RIMS1: variants seen among roughly 807,000 people sequenced by gnomAD.
RIMS1 encodes regulating synaptic membrane exocytosis 1.
Under a neutral mutation model 214.1 loss-of-function variants are expected in RIMS1, and 83 were observed. The ratio of observed to expected loss-of-function variants is 0.39; its 90% CI spans 0.32 to 0.47. The LOEUF (loss-of-function observed/expected upper bound fraction) is 0.47. Ranked by LOEUF, RIMS1 falls within the 20% of genes least tolerant of loss-of-function variation. The probability of loss-of-function intolerance (pLI) is 0.99; values close to 1 mark genes in which losing one functional copy is unlikely to be tolerated. For synonymous variants in RIMS1, 793 were observed against 786.8 expected, an observed-to-expected ratio of 1.01 and a Z score of -0.13; for missense variants, 2,050 against 2,161.8, an observed-to-expected ratio of 0.95 and a Z score of 1.03.
rs1767887512 is a variant in RIMS1, at chr6:71,886,797, A to T, written c.-227A>T. 1 of 560,346 alleles carries T rather than the reference A, an allele frequency of 1.8e-6. No homozygotes were observed. Among genetic ancestry groups the T allele is most frequent in the East Asian group, 3.1e-5 (1 of 32,322 alleles). 34.7% of individuals were successfully genotyped at this position (560,346 alleles called of 1,614,324 possible). On this transcript the variant is annotated 5_prime_UTR_variant, in exon 1 of 34. Transcript: ENST00000521978. ...CCCCGAGCTTCGCTAGGGCGACCAA[A>T]ACAAAGGCAGCATCCGGGGCTGGGT...
At chr6:72,160,014 A>T (rs191620250) in intron 4 of RIMS1, among the ~76,000 whole-genome samples, 8,493 of 132,672 alleles carry the variant, frequency 0.064, 1,632 homozygotes, top group Middle Eastern at 0.11. Flanking sequence ...GATTCTTCCT[A>T]CCCATGAGCA....
At chr6:72,161,041 T>C (rs1309700974) in intron 4 of RIMS1, among the ~76,000 whole-genome samples, 2 of 140,022 alleles carry the variant, frequency 1.4e-5, no homozygotes, top group African/African-American at 4.9e-5. Flanking sequence ...TGGTAGGCAA[T>C]TAATTATTGC....
chr6:72,204,354 T>TGA (rs2052548681), intron 6 of RIMS1, among the ~76,000 whole-genome samples: 1 of 152,220 alleles, frequency 6.6e-6, no homozygotes, highest in Non-Finnish European at 1.5e-5. Flanking sequence ...GTTATCATTA[T>TGA]ATACAGAATG....
intron 5 of RIMS1, among the ~76,000 whole-genome samples, chr6:72,181,217 A>G (rs1406574032): frequency 6.6e-6 from 1 of 152,220 alleles, no homozygotes; most frequent in Non-Finnish European, 1.5e-5. Context: ...AGGAAAGAGG[A>G]AGTGACTTCT....
At chr6:72,251,517 C>A in intron 15 of RIMS1, 149 bp downstream of exon 15, 1 of 663,310 alleles carries the variant, frequency 1.5e-6, no homozygotes, top group Non-Finnish European at 2.4e-6. Context: ...CTTGGCAAAA[C>A]TGTTTCTACA....
intron 2 of RIMS1, among the ~76,000 whole-genome samples, chr6:71,983,190 C>CTACCTCT (rs3079695): frequency 0.73 from 110,368 of 151,270 alleles, 40,546 homozygotes; most frequent in East Asian, 0.98. Flanking sequence ...ACATTATGTT[C>CTACCTCT]TATTTGTGTG....
intron 4 of RIMS1, among the ~76,000 whole-genome samples, chr6:72,135,543 G>T (rs1301696810): frequency 6.6e-6 from 1 of 152,098 alleles, no homozygotes; most frequent in Non-Finnish European, 1.5e-5. Context: ...CTTAGAATGG[G>T]CATCGGTGTC....
At chr6:72,208,739 T>TA (rs1227271620) in intron 6 of RIMS1, among the ~76,000 whole-genome samples, 2 of 152,206 alleles carry the variant, frequency 1.3e-5, no homozygotes, top group Non-Finnish European at 2.9e-5. Flanking sequence ...TTAGGCACAC[T>TA]ACAAACTTAC....
At position 72,174,472 on chromosome 6, in the gene RIMS1, A is replaced by G. The variant is rs191949485; in HGVS notation, c.472-5103A>G. Among the ~76,000 whole-genome samples, 10 of 152,314 alleles carry G rather than the reference A, an allele frequency of 6.6e-5. No individual in the cohort carries two copies. The East Asian group carries it at 1.7e-3, about 26-fold the overall frequency. ...AGTGATTATATAAGAGGAGCTTTAA[A>G]TATGTTCTAAAATTTTACCAAATAA... On this transcript the variant is annotated intron_variant, in intron 4 of 33. Transcript: ENST00000521978.
chr6:71,973,942 T>C (rs148197479), intron 2 of RIMS1, among the ~76,000 whole-genome samples: 3 of 152,216 alleles, frequency 2.0e-5, no homozygotes, highest in African/African-American at 7.2e-5. Context: ...TCAGTGTAGA[T>C]AGAGCAAGGG....
At chr6:72,166,085 A>G (rs1036453760) in intron 4 of RIMS1, among the ~76,000 whole-genome samples, 7 of 152,194 alleles carry the variant, frequency 4.6e-5, no homozygotes, top group Non-Finnish European at 1.0e-4. Flanking sequence ...ACAAGGTGCC[A>G]ACAGGGTTAG....
chr6:72,235,910 T>C (rs1377442708), intron 8 of RIMS1, among the ~76,000 whole-genome samples, 182 bp downstream of exon 8: 1 of 146,374 alleles, frequency 6.8e-6, no homozygotes, highest in African/African-American at 2.5e-5. Flanking sequence ...ATTCTGACTA[T>C]AAAGTTCAGG....
At chr6:72,065,883 A>G (rs1829167767) in intron 2 of RIMS1, among the ~76,000 whole-genome samples, 1 of 151,984 alleles carries the variant, frequency 6.6e-6, no homozygotes, top group Non-Finnish European at 1.5e-5. Flanking sequence ...CAGAATAGAA[A>G]TCATAAATAA....
At chr6:72,274,207 G>C (rs2084921070) in intron 22 of RIMS1, 142 bp from the exon 23 acceptor site, 1 of 542,272 alleles carries the variant, frequency 1.8e-6, no homozygotes, top group African/African-American at 1.9e-5. Flanking sequence ...GCTTATAACA[G>C]TGAAGATTTT....
chr6:71,929,796 G>C (rs1391333459), intron 1 of RIMS1, among the ~76,000 whole-genome samples: 1 of 152,006 alleles, frequency 6.6e-6, no homozygotes, highest in East Asian at 1.9e-4. Flanking sequence ...TAAAATTAAT[G>C]GGACTGGCAT....
At chr6:72,383,094 C>T (rs1410741242) in intron 29 of RIMS1, among the ~76,000 whole-genome samples, 4 of 152,186 alleles carry the variant, frequency 2.6e-5, no homozygotes, top group Admixed American at 6.5e-5. Flanking sequence ...AGTTTACATG[C>T]TCATTAAGTG....
chr6:72,019,861 A>G (rs1814047185), intron 2 of RIMS1, among the ~76,000 whole-genome samples: 1 of 152,118 alleles, frequency 6.6e-6, no homozygotes, highest in Admixed American at 6.6e-5. Flanking sequence ...GAATTTACAT[A>G]TATTGTCCAG....
In RIMS1 at chr6:72,207,228, G is replaced by T. The variant is rs979442824; in HGVS notation, c.1678+24079G>T. Among the ~76,000 whole-genome samples the T allele has an allele frequency of 2.0e-5, 3 of 152,242 alleles. No homozygotes were observed. In the East Asian group the frequency reaches 5.8e-4, roughly 29 times the overall value. ...GATTTGTTTTGTTTAATTCCTAATA[G>T]ATTTTCAAAATACTTCTCACATAGA... is the stretch of plus-strand genomic sequence containing the variant. On this transcript the variant is annotated intron_variant, in intron 6 of 33. Transcript: ENST00000521978.
chr6:71,938,503 A>G (rs903507998), intron 1 of RIMS1, among the ~76,000 whole-genome samples: 4 of 152,324 alleles, frequency 2.6e-5, no homozygotes, highest in Admixed American at 1.3e-4. Context: ...TGCCTGAAAA[A>G]TTAGCACCAC....
Sources: gnomAD v4.1 joint callset for allele counts (sites outside exome capture counted in the v4.1 genomes callset) on GRCh38, gnomAD v4.1.1 for gene constraint, MANE v1.5 for transcripts, NCBI Gene and HGNC (gene_info 2026-07-23, HGNC 2026-07-21) for gene names.